The following GRM7 variants were observed in gnomAD, a reference collection of about 807,000 sequenced individuals.
GRM7 encodes the protein metabotropic glutamate receptor 7.
Under a neutral mutation model 84.5 loss-of-function variants are expected in GRM7, and 35 were observed. The ratio of observed to expected loss-of-function variants is 0.41; its 90% CI spans 0.32 to 0.55. The LOEUF is 0.55. Ranked by LOEUF, GRM7 falls within the 20% of genes least tolerant of loss-of-function variation. The pLI is 0.19. For missense variants in GRM7, 1,003 were observed against 1,194.6 expected (o/e 0.84, Z 2.36); for synonymous variants, 487 against 455.1 (o/e 1.07, Z -0.89).
At chr3:7,506,483 C>G (rs767940781) in intron 7 of GRM7, among the ~76,000 whole-genome samples, 1 of 152,184 alleles carries the variant, frequency 6.6e-6, no homozygotes, top group Non-Finnish European at 1.5e-5. Flanking sequence ...GTCCACATTA[C>G]TAGGTATTTG....
At chr3:6,904,619 C>T (rs1418860321) in intron 1 of GRM7, among the ~76,000 whole-genome samples, 1 of 152,114 alleles carries the variant, frequency 6.6e-6, no homozygotes, top group African/African-American at 2.4e-5. Context: ...TTGTGTACTT[C>T]CTATCTTTAT....
intron 1 of GRM7, among the ~76,000 whole-genome samples, chr3:7,125,782 A>G (rs1259617555): frequency 6.6e-6 from 1 of 152,162 alleles, no homozygotes; most frequent in Admixed American, 6.6e-5. Context: ...ATTTACAGTG[A>G]GAGGGCTGTC....
At chr3:7,645,223 A>C (rs571614448) in intron 8 of GRM7, among the ~76,000 whole-genome samples, 1 of 152,088 alleles carries the variant, frequency 6.6e-6, no homozygotes, top group Admixed American at 6.6e-5. Flanking sequence ...CAAAGAGGTC[A>C]TGGAAAGCAA....
At chr3:6,867,828 T>A (rs1485740295) in intron 1 of GRM7, among the ~76,000 whole-genome samples, 5 of 152,220 alleles carry the variant, frequency 3.3e-5, no homozygotes, top group Non-Finnish European at 1.5e-5. Flanking sequence ...TATGTACAGG[T>A]AAATATCTGT....
chr3:7,555,186 G>A (rs908067784), intron 7 of GRM7, among the ~76,000 whole-genome samples: 2 of 152,180 alleles, frequency 1.3e-5, no homozygotes, highest in African/African-American at 4.8e-5. Flanking sequence ...GCAACATTTA[G>A]TATAGGTCTG....
At chr3:7,284,899 T>C (rs1179496375) in intron 2 of GRM7, among the ~76,000 whole-genome samples, 1 of 152,170 alleles carries the variant, frequency 6.6e-6, no homozygotes, top group Non-Finnish European at 1.5e-5. Context: ...AATATAATGC[T>C]TATTAAAGGA....
chr3:7,222,133 A>G (rs949549986), intron 2 of GRM7, among the ~76,000 whole-genome samples: 6 of 152,096 alleles, frequency 3.9e-5, no homozygotes, highest in Non-Finnish European at 5.9e-5. Context: ...AGTCTTAAAA[A>G]AAACCAGCCC....
intron 7 of GRM7, among the ~76,000 whole-genome samples, chr3:7,564,456 G>A (rs1417771244): frequency 1.3e-5 from 2 of 152,130 alleles, no homozygotes; most frequent in South Asian, 2.1e-4. Context: ...AGGCTGAACT[G>A]TGTGTGGAGA....
intron 8 of GRM7, among the ~76,000 whole-genome samples, chr3:7,621,753 C>T (rs1271917620): frequency 6.6e-6 from 1 of 151,936 alleles, no homozygotes; most frequent in East Asian, 1.9e-4. Flanking sequence ...AACGATGAAA[C>T]AACAGATTTG....
chr3:7,218,469 CCTGT>C (rs1553633294), intron 2 of GRM7, among the ~76,000 whole-genome samples: 1 of 151,630 alleles, frequency 6.6e-6, no homozygotes, highest in Non-Finnish European at 1.5e-5. Flanking sequence ...AATAACTTTG[CCTGT>C]CTGATATGTA....
intron 2 of GRM7, among the ~76,000 whole-genome samples, chr3:7,250,509 T>G (rs1017075685): frequency 6.8e-6 from 1 of 146,504 alleles, no homozygotes; most frequent in Admixed American, 6.9e-5. Context: ...TTATATTTGT[T>G]TATTTATTTA....
At chr3:7,402,384 T>C (rs768214383) in intron 4 of GRM7, among the ~76,000 whole-genome samples, 6 of 152,228 alleles carry the variant, frequency 3.9e-5, no homozygotes, top group Non-Finnish European at 8.8e-5. Context: ...TTCCTATTAC[T>C]GCACCTAATG....
intron 1 of GRM7, among the ~76,000 whole-genome samples, chr3:7,000,237 T>C (rs1355548056): frequency 6.7e-6 from 1 of 148,570 alleles, no homozygotes; most frequent in African/African-American, 2.5e-5. Context: ...AGTGGCACAA[T>C]CTTGGCTCAC....
chr3:7,135,297 T>C (rs1693736655), intron 1 of GRM7, among the ~76,000 whole-genome samples: 1 of 152,204 alleles, frequency 6.6e-6, no homozygotes. Flanking sequence ...GGTTCTTCAA[T>C]GATTTTCCCT....
chr3:6,893,488 A>ATCTTTGTG (rs1425116099), intron 1 of GRM7, among the ~76,000 whole-genome samples: 2 of 152,184 alleles, frequency 1.3e-5, no homozygotes, highest in African/African-American at 4.8e-5. Context: ...TGAGGCAATT[A>ATCTTTGTG]TCTTTGTGTT....
rs139220040 is a variant in GRM7, at chr3:7,347,799, A to G, written c.1033+41147A>G. Among the ~76,000 whole-genome samples the G allele has an allele frequency of 3.8e-3, 584 of 152,244 alleles. 2 individuals are homozygous for G. The highest frequency in any genetic ancestry group is 6.0e-3 in the Non-Finnish European group (409 of 68,016). ...TAGGTTAGAAATATAATTTAGTTCCATGTTTCTTCTCCAGCACATATAATT... is the reference window on the plus strand; with the variant it reads ...TAGGTTAGAAATATAATTTAGTTCCGTGTTTCTTCTCCAGCACATATAATT... On this transcript the variant is annotated intron_variant, in intron 4 of 9. Coordinates refer to ENST00000357716, the MANE Select transcript of GRM7 (RefSeq NM_000844.4).
intron 1 of GRM7, among the ~76,000 whole-genome samples, chr3:7,022,341 T>TAA (rs1695807210): frequency 7.9e-6 from 1 of 126,908 alleles, no homozygotes; most frequent in South Asian, 2.3e-4. Flanking sequence ...AAAAAAATAA[T>TAA]AAAATATATA....
chr3:7,461,729 T>A lies in GRM7; in HGVS notation c.1515+7T>A, dbSNP rs780687983. 6.2e-7 allele frequency: 1 copy of A among 1,612,614 alleles called. No individual in the cohort carries two copies. Among genetic ancestry groups the A allele is most frequent in the South Asian group, 1.1e-5 (1 of 91,016 alleles). ...AGACGAACTTCAGCTCAATGTGAGT[T>A]CTGCTTGCTTCTCTTCTTCCCTTGT... On this transcript the variant is annotated splice_region_variant and intron_variant, in intron 7 of 9. Transcript: ENST00000357716.
At chr3:7,210,212 A>G (rs1696375674) in intron 2 of GRM7, among the ~76,000 whole-genome samples, 1 of 152,144 alleles carries the variant, frequency 6.6e-6, no homozygotes, top group African/African-American at 2.4e-5. Context: ...TTCCCACACA[A>G]CATTTGTTGC....
Sources: allele counts gnomAD v4.1 joint callset (sites outside exome capture counted in the v4.1 genomes callset), GRCh38; gene constraint gnomAD v4.1.1; transcripts MANE v1.5; gene names NCBI Gene and HGNC (gene_info 2026-07-23, HGNC 2026-07-21).